The following NBEA variants were observed in gnomAD, a reference collection of about 807,000 sequenced individuals.
NBEA encodes the protein neurobeachin, also known as lysosomal-trafficking regulator 2.
A neutral mutation model predicts 343.4 loss-of-function variants in NBEA; 44 were observed. That is an observed-to-expected ratio of 0.13 (90% CI 0.10 to 0.16). NBEA has a LOEUF of 0.16. Ranked by LOEUF, NBEA falls within the 10% of genes least tolerant of loss-of-function variation. NBEA has a pLI of 1.00. For missense variants in NBEA, 2,555 were observed against 3,631.3 expected, an observed-to-expected ratio of 0.70 and a Z score of 7.62; for synonymous variants, 1,175 against 1,238.7, an observed-to-expected ratio of 0.95 and a Z score of 1.08.
At chr13:35,048,769 A>G in intron 5 of NBEA, 85 bp downstream of exon 5, 1 of 705,972 alleles carries the variant, frequency 1.4e-6, no homozygotes, top group Admixed American at 3.0e-5. Context: ...CTTAGATAGA[A>G]TATATGTATA....
chr13:35,578,203 G>A (rs144692650), intron 45 of NBEA, among the ~76,000 whole-genome samples: 1 of 152,280 alleles, frequency 6.6e-6, no homozygotes, highest in African/African-American at 2.4e-5. Flanking sequence ...AGCTGGTTCT[G>A]TAAAACGTCT....
At position 35,665,091 on chromosome 13, in the gene NBEA, A is replaced by C; in HGVS notation, c.8369A>C (p.Tyr2790Ser). 6.4e-7 allele frequency: 1 copy of C among 1,568,802 alleles called. No homozygotes were observed. Among genetic ancestry groups the C allele is most frequent in the Non-Finnish European group, 8.7e-7 (1 of 1,154,452 alleles). Residue 2790 changes from tyrosine (Y) to serine (S), a missense_variant, in exon 56 of 59, where the codon TAT becomes TCT. Coordinates refer to ENST00000379939, the MANE Select transcript of NBEA (RefSeq NM_001385012.1). ...IIGDNPNSSD[Y>S]PAPRAVLTGH... ...TGCTGCTGTTTTCTTGCAGGTGACT[A>C]TCCGGCACCAAGAGCCGTCCTCACA...
At chr13:35,222,812 G>A (rs908835316) in intron 33 of NBEA, among the ~76,000 whole-genome samples, 4 of 152,134 alleles carry the variant, frequency 2.6e-5, no homozygotes, top group Admixed American at 6.6e-5. Context: ...GTTGTCATAC[G>A]TTTTACTTTT....
intron 17 of NBEA, among the ~76,000 whole-genome samples, chr13:35,125,618 A>C (rs756341655): frequency 6.6e-6 from 1 of 152,198 alleles, no homozygotes; most frequent in South Asian, 2.1e-4. Context: ...ACACATATGC[A>C]TGGAAGTGTC....
At chr13:35,112,861 A>G (rs953315818) in intron 13 of NBEA, among the ~76,000 whole-genome samples, 5 of 152,096 alleles carry the variant, frequency 3.3e-5, no homozygotes, top group African/African-American at 1.2e-4. Context: ...TTTATTGTGT[A>G]TTTCCTGAAA....
intron 45 of NBEA, among the ~76,000 whole-genome samples, chr13:35,581,707 G>A (rs1207237221): frequency 2.0e-4 from 26 of 132,608 alleles, no homozygotes; most frequent in Non-Finnish European, 4.1e-4. Context: ...CACAGGAAGG[G>A]GAACATCACA....
chr13:35,281,289 T>C (rs1367161877), intron 34 of NBEA, among the ~76,000 whole-genome samples: 1 of 152,106 alleles, frequency 6.6e-6, no homozygotes, highest in Non-Finnish European at 1.5e-5. Context: ...TGAATGCAAC[T>C]GTACTGATTA....
Position 35,671,077 on chromosome 13 carries a change from T to G in NBEA, c.*86T>G. On this transcript the variant is annotated 3_prime_UTR_variant, in exon 59 of 59. Transcript: ENST00000379939. ...CAATATCTCTGGTGGAAAAAACTCG[T>G]CTACATCGACCTCCGTTTGTACATT... 3 of 898,618 alleles carry G rather than the reference T, an allele frequency of 3.3e-6. No individual in the cohort carries two copies. Among genetic ancestry groups the G allele is most frequent in the Non-Finnish European group, 5.3e-6 (3 of 569,546 alleles). The allele number at this position is 898,618 out of a possible 1,614,324, so 55.7% of individuals were successfully genotyped here.
intron 34 of NBEA, among the ~76,000 whole-genome samples, chr13:35,288,817 T>G (rs1352617650): frequency 1.3e-5 from 2 of 151,978 alleles, no homozygotes. Flanking sequence ...CTTTTACTTG[T>G]TTTTTCTTTG....
intron 39 of NBEA, among the ~76,000 whole-genome samples, chr13:35,438,258 T>C (rs531163020): frequency 2.4e-4 from 37 of 152,332 alleles, no homozygotes; most frequent in Admixed American, 5.2e-4. Flanking sequence ...TTATCTAAGC[T>C]TGTGAAGCCA....
chr13:35,068,849 T>C (rs1461703258), intron 8 of NBEA, among the ~76,000 whole-genome samples: 1 of 152,188 alleles, frequency 6.6e-6, no homozygotes, highest in Non-Finnish European at 1.5e-5. Context: ...CATTGAACAG[T>C]TGACTTGAGC....
intron 34 of NBEA, among the ~76,000 whole-genome samples, chr13:35,270,200 A>G (rs1380818818): frequency 3.9e-5 from 6 of 152,246 alleles, no homozygotes; most frequent in Non-Finnish European, 8.8e-5. Context: ...AAATTCTACC[A>G]ATAAAACAAC....
chr13:35,273,605 A>G (rs1228697420), intron 34 of NBEA, among the ~76,000 whole-genome samples: 2 of 152,122 alleles, frequency 1.3e-5, no homozygotes, highest in Non-Finnish European at 1.5e-5. Flanking sequence ...AACAAAATAG[A>G]TAGACTGCTA....
intron 1 of NBEA, among the ~76,000 whole-genome samples, chr13:35,014,214 A>C (rs959527240): frequency 6.6e-6 from 1 of 152,088 alleles, no homozygotes; most frequent in Non-Finnish European, 1.5e-5. Flanking sequence ...TGTTCTAGTC[A>C]CGTATTTTTT....
At position 34,945,527 on chromosome 13, in the gene NBEA, G is replaced by A. The variant is rs150265326; in HGVS notation, c.294+2413G>A. 5.9e-5 allele frequency among the ~76,000 whole-genome samples: 9 copies of A among 152,126 alleles called. No homozygotes were observed. The East Asian group carries it at 1.3e-3, about 23-fold the overall frequency. ...ATTCATATAGGACACTCAGTGACTC[G>A]TTAGAGTTTGGAAACCTTTAATATT... On this transcript the variant is annotated intron_variant, in intron 1 of 58. Coordinates refer to ENST00000379939, the MANE Select transcript of NBEA (RefSeq NM_001385012.1).
chr13:35,308,606 A>ATGTATATATG (rs1264210183), intron 35 of NBEA, among the ~76,000 whole-genome samples: 3 of 136,584 alleles, frequency 2.2e-5, no homozygotes, highest in Non-Finnish European at 4.6e-5. Context: ...ATATGTATAT[A>ATGTATATATG]TGTATATATA....
Position 34,966,650 on chromosome 13 carries a change from CTGTG to C in NBEA, c.294+23538_294+23541del, listed in dbSNP as rs1017865093. Among the ~76,000 whole-genome samples the C allele has an allele frequency of 1.0e-3, 149 of 147,388 alleles. 1 individual carries two copies. The highest frequency in any genetic ancestry group is 3.5e-3 in the African/African-American group (142 of 40,010). On this transcript the variant is annotated intron_variant, in intron 1 of 58. Transcript: ENST00000379939. ...TTTTTTTTTTTCTCTCTCTCTCTCT[CTGTG>C]TATGTGTGTGTACCTGTATATTCTC...
intron 33 of NBEA, among the ~76,000 whole-genome samples, chr13:35,219,605 A>G (rs1369039989): frequency 6.6e-6 from 1 of 152,154 alleles, no homozygotes; most frequent in Non-Finnish European, 1.5e-5. Flanking sequence ...TGGAAACTGA[A>G]AATTCCCAGT....
chr13:35,563,626 TTTA>T (rs2079989055), intron 44 of NBEA, among the ~76,000 whole-genome samples: 2 of 151,760 alleles, frequency 1.3e-5, no homozygotes, highest in Admixed American at 1.3e-4. Flanking sequence ...ATTTATAAAG[TTTA>T]TTATATTTAT....
Sources: gnomAD v4.1 joint callset for allele counts (sites outside exome capture counted in the v4.1 genomes callset) on GRCh38, gnomAD v4.1.1 for gene constraint, MANE v1.5 for transcripts, NCBI Gene and HGNC (gene_info 2026-07-23, HGNC 2026-07-21) for gene names.